NRXN3: variants seen among roughly 807,000 people sequenced by gnomAD.
NRXN3 encodes neurexin III.
Under a neutral mutation model 137.6 loss-of-function variants are expected in NRXN3, and 32 were observed. The observed-to-expected ratio is 0.23, with a 90% confidence interval of 0.18 to 0.31. The LOEUF (loss-of-function observed/expected upper bound fraction) is 0.31, where lower values mean the gene tolerates loss of function less well. NRXN3 is among the 10% of genes least tolerant of loss of function. The pLI is 1.00. For missense variants in NRXN3, 1,574 were observed against 2,062.5 expected, an observed-to-expected ratio of 0.76 and a Z score of 4.59; for synonymous variants, 798 against 784.5, an observed-to-expected ratio of 1.02 and a Z score of -0.29.
chr14:78,632,010 C>T (rs560331390), intron 4 of NRXN3, among the ~76,000 whole-genome samples: 3 of 150,648 alleles, frequency 2.0e-5, no homozygotes, highest in African/African-American at 4.9e-5. Flanking sequence ...CCTTCTCAGG[C>T]GGCTGAGGCA....
intron 4 of NRXN3, among the ~76,000 whole-genome samples, chr14:78,384,167 G>T (rs1306722439): frequency 1.3e-5 from 2 of 152,186 alleles, no homozygotes; most frequent in Non-Finnish European, 2.9e-5. Context: ...CTAGGCAGAA[G>T]GAGGAACCTG....
At chr14:79,257,692 T>C (rs2076981608) in intron 15 of NRXN3, among the ~76,000 whole-genome samples, 1 of 150,670 alleles carries the variant, frequency 6.6e-6, no homozygotes, top group Admixed American at 6.6e-5. Context: ...GTTTGTGCAT[T>C]TGAGAAGTAA....
chr14:78,296,631 A>G (rs985565209), intron 3 of NRXN3, among the ~76,000 whole-genome samples: 1 of 152,216 alleles, frequency 6.6e-6, no homozygotes, highest in Non-Finnish European at 1.5e-5. Flanking sequence ...TACTAAAACT[A>G]TCTATTTAAA....
intron 15 of NRXN3, among the ~76,000 whole-genome samples, chr14:79,419,628 G>A (rs1331271899): frequency 1.3e-5 from 2 of 152,008 alleles, no homozygotes; most frequent in African/African-American, 2.4e-5. Context: ...AGAAAGGGAG[G>A]GGAGAGAAGG....
At chr14:78,418,098 C>T (rs2093246803) in intron 4 of NRXN3, among the ~76,000 whole-genome samples, 1 of 152,122 alleles carries the variant, frequency 6.6e-6, no homozygotes, top group African/African-American at 2.4e-5. Flanking sequence ...GCATGTTCTC[C>T]ATGAAGGTGA....
chr14:79,075,433 G>A (rs1333554718), intron 15 of NRXN3, among the ~76,000 whole-genome samples: 4 of 152,140 alleles, frequency 2.6e-5, no homozygotes, highest in Admixed American at 2.6e-4. Flanking sequence ...TATTAGTTAG[G>A]AAAATGAAAA....
intron 15 of NRXN3, among the ~76,000 whole-genome samples, chr14:79,017,438 C>T (rs773060809): frequency 1.2e-4 from 18 of 151,864 alleles, no homozygotes; most frequent in Admixed American, 1.3e-4. Flanking sequence ...CTCCCCATGC[C>T]GTTATCAACT....
intron 4 of NRXN3, among the ~76,000 whole-genome samples, chr14:78,464,026 G>A (rs144761199): frequency 0.031 from 4,594 of 148,132 alleles, 102 homozygotes; most frequent in Non-Finnish European, 0.043. Flanking sequence ...TTGAAAAGGC[G>A]AGTTTTATTT....
In NRXN3 at chr14:78,778,728, TTCTC is replaced by T. The variant is rs1219803376; in HGVS notation, c.2045-24884_2045-24881del. On this transcript the variant is annotated intron_variant, in intron 8 of 20. Transcript: ENST00000335750. ...TTTCTTTCTTTCTTTCTTTCTTTCTTTCTCTCTCTCTTTCTTTCTTTCCTTCTTT... is the reference window on the plus strand; with the variant it reads ...TTTCTTTCTTTCTTTCTTTCTTTCTTTCTCTCTTTCTTTCTTTCCTTCTTT... 7.4e-3 allele frequency among the ~76,000 whole-genome samples: 997 copies of T among 134,764 alleles called. 8 individuals carry two copies. The highest frequency in any genetic ancestry group is 0.012 in the Non-Finnish European group (768 of 62,384). 88.4% of individuals were successfully genotyped at this position (134,764 alleles called of 152,430 possible).
chr14:79,192,565 C>G, intron 15 of NRXN3, among the ~76,000 whole-genome samples: 1 of 152,032 alleles, frequency 6.6e-6, no homozygotes, highest in East Asian at 1.9e-4. Flanking sequence ...AGTGAAAAAA[C>G]ATTGAAAGGT....
chr14:78,455,224 C>T (rs2094661444), intron 4 of NRXN3, among the ~76,000 whole-genome samples: 1 of 152,192 alleles, frequency 6.6e-6, no homozygotes, highest in African/African-American at 2.4e-5. Context: ...TTCCCCAGCC[C>T]TCCTTCTATA....
chr14:78,225,979 GT>G (rs1567013376), intron 1 of NRXN3, among the ~76,000 whole-genome samples: 25 of 81,578 alleles, frequency 3.1e-4, no homozygotes, highest in African/African-American at 9.8e-4. Flanking sequence ...GTGTTGGTGT[GT>G]GTGTGTGTGT....
intron 15 of NRXN3, among the ~76,000 whole-genome samples, chr14:79,382,866 G>C (rs926361611): frequency 6.6e-6 from 1 of 151,980 alleles, no homozygotes; most frequent in Non-Finnish European, 1.5e-5. Flanking sequence ...AATTCAATTG[G>C]CTATTTGACT....
chr14:78,646,050 G>A (rs57014620), intron 5 of NRXN3, among the ~76,000 whole-genome samples: 4,116 of 151,794 alleles, frequency 0.027, 170 homozygotes, highest in East Asian at 0.22. Flanking sequence ...CTCTCCCTCC[G>A]AGACTCTTCA....
chr14:79,691,211 G>T (rs2098715286), intron 17 of NRXN3, among the ~76,000 whole-genome samples: 1 of 151,982 alleles, frequency 6.6e-6, no homozygotes, highest in South Asian at 2.1e-4. Flanking sequence ...GGAAGAGGGG[G>T]GGCATACTGG....
intron 15 of NRXN3, among the ~76,000 whole-genome samples, chr14:79,432,118 C>G (rs1391185044): frequency 2.9e-4 from 1 of 3,404 alleles, no homozygotes; most frequent in Non-Finnish European, 9.6e-4. Context: ...TATCTCATCT[C>G]AATCATTTTT....
At chr14:79,160,636 C>T (rs1392850986) in intron 15 of NRXN3, among the ~76,000 whole-genome samples, 1 of 151,464 alleles carries the variant, frequency 6.6e-6, no homozygotes, top group Non-Finnish European at 1.5e-5. Context: ...ACGTGACTCA[C>T]GAAAAAATTA....
At chr14:79,013,279 A>G (rs1449489029) in intron 15 of NRXN3, among the ~76,000 whole-genome samples, 18 of 152,062 alleles carry the variant, frequency 1.2e-4, no homozygotes, top group Admixed American at 1.2e-3. Flanking sequence ...AATGACTTAC[A>G]CCTTAGACTG....
intron 15 of NRXN3, among the ~76,000 whole-genome samples, chr14:79,030,284 A>G (rs1458473636): frequency 3.9e-5 from 6 of 151,922 alleles, no homozygotes; most frequent in Non-Finnish European, 7.4e-5. Context: ...AACATTGCCA[A>G]ATGTCTTTTG....
Sources: allele counts gnomAD v4.1 joint callset (sites outside exome capture counted in the v4.1 genomes callset), GRCh38; gene constraint gnomAD v4.1.1; transcripts MANE v1.5; gene names NCBI Gene and HGNC (gene_info 2026-07-23, HGNC 2026-07-21).